INPP4B: variants seen among roughly 807,000 people sequenced by gnomAD.
INPP4B encodes inositol polyphosphate-4-phosphatase type II B.
In INPP4B, 55 loss-of-function variants were observed where a neutral mutation model predicts 122.5. That is an observed-to-expected ratio of 0.45 (90% CI 0.36 to 0.56). The LOEUF (loss-of-function observed/expected upper bound fraction) is 0.56. Ranked by LOEUF, INPP4B falls within the 20% of genes least tolerant of loss-of-function variation. INPP4B has a pLI of 0.00. For missense variants in INPP4B, 1,000 were observed against 1,097.7 expected, an observed-to-expected ratio of 0.91 and a Z score of 1.26; for synonymous variants, 403 against 388.7, an observed-to-expected ratio of 1.04 and a Z score of -0.43.
chr4:142,725,039 A>G (rs1299017380), intron 2 of INPP4B, among the ~76,000 whole-genome samples: 2 of 152,162 alleles, frequency 1.3e-5, no homozygotes, highest in East Asian at 3.8e-4. Flanking sequence ...TGGATGTCTC[A>G]GTTCCCTTCA....
chr4:142,785,201 C>A (rs1775583128), intron 1 of INPP4B, among the ~76,000 whole-genome samples: 1 of 152,166 alleles, frequency 6.6e-6, no homozygotes, highest in Admixed American at 6.6e-5. Context: ...AAACTTTAAA[C>A]ACAGCTAAGT....
At chr4:142,144,082 T>G (rs2152837143) in intron 18 of INPP4B, among the ~76,000 whole-genome samples, 1 of 152,082 alleles carries the variant, frequency 6.6e-6, no homozygotes, top group South Asian at 2.1e-4. Context: ...TTCTACTTGG[T>G]TTTAGACTAT....
chr4:142,367,491 C>T (rs1787997735), intron 7 of INPP4B, among the ~76,000 whole-genome samples: 1 of 151,996 alleles, frequency 6.6e-6, no homozygotes, highest in African/African-American at 2.4e-5. Context: ...ATATGTTTTA[C>T]TATCAGTCTG....
rs368527003 is a variant in INPP4B at position 142,405,118 on chromosome 4, T to TG, written c.255+87dup. 299 of 531,884 alleles carry TG rather than the reference T, an allele frequency of 5.6e-4. 1 individual carries two copies. In the African/African-American group the frequency reaches 9.6e-3, roughly 17 times the overall value. The allele number at this position is 531,884 out of a possible 1,614,324, so 32.9% of individuals were successfully genotyped here. ...TTCAAATCCAGAGATGGGGCGGGGG[T>TG]GGGGGGGAGGGAGAGAGAGAGCAAG... On this transcript the variant is annotated intron_variant, in intron 6 of 25. Transcript: ENST00000262992.
intron 9 of INPP4B, among the ~76,000 whole-genome samples, chr4:142,271,954 G>C (rs1437302469): frequency 6.6e-6 from 1 of 152,108 alleles, no homozygotes; most frequent in African/African-American, 2.4e-5. Context: ...TTATACCATG[G>C]AAACACTGCA....
chr4:142,650,875 T>C lies in INPP4B; in HGVS notation c.-191+74964A>G, dbSNP rs565538607. Among the ~76,000 whole-genome samples the C allele has an allele frequency of 7.9e-5, 12 of 152,294 alleles. No homozygotes were observed. In the East Asian group the frequency reaches 2.3e-3, roughly 29 times the overall value. On this transcript the variant is annotated intron_variant, in intron 2 of 25. Coordinates refer to ENST00000262992, the MANE Select transcript of INPP4B (RefSeq NM_001101669.3). ...ACAGCTCTGGATCAAGCGGACCTAA[T>C]AGACATCTACAGAACTCTCCAGCCC...
intron 2 of INPP4B, among the ~76,000 whole-genome samples, chr4:142,542,618 T>C (rs943286635): frequency 6.6e-6 from 1 of 152,196 alleles, no homozygotes; most frequent in Non-Finnish European, 1.5e-5. Flanking sequence ...TATTAAAGAA[T>C]AAAATATGAA....
At chr4:142,249,109 A>C (rs2150158432) in intron 11 of INPP4B, among the ~76,000 whole-genome samples, 1 of 152,246 alleles carries the variant, frequency 6.6e-6, no homozygotes, top group African/African-American at 2.4e-5. Context: ...TAGGAGGGCA[A>C]ACTGCACATA....
Position 142,423,369 on chromosome 4 carries a change from C to T in INPP4B, c.136+5804G>A, listed in dbSNP as rs546133495. Among the ~76,000 whole-genome samples the T allele has an allele frequency of 9.2e-5, 14 of 152,194 alleles. No homozygotes were observed. In the South Asian group the frequency reaches 2.9e-3, roughly 31 times the overall value. ...TTGTCAGTTGGGGCACATTTCTATA[C>T]ATTTTTAAATGCCGAGCACAGAAAA... On this transcript the variant is annotated intron_variant, in intron 5 of 25. Coordinates refer to ENST00000262992, the MANE Select transcript of INPP4B (RefSeq NM_001101669.3).
intron 2 of INPP4B, among the ~76,000 whole-genome samples, chr4:142,550,838 C>T (rs182418755): frequency 1.9e-4 from 29 of 152,120 alleles, no homozygotes; most frequent in Non-Finnish European, 2.9e-4. Flanking sequence ...AATTATCTGG[C>T]TGTGTCGCTA....
At chr4:142,489,733 A>G (rs1394972954) in intron 2 of INPP4B, among the ~76,000 whole-genome samples, 2 of 152,148 alleles carry the variant, frequency 1.3e-5, no homozygotes, top group East Asian at 3.9e-4. Context: ...GATCCTACCA[A>G]TTTCTGAGAG....
intron 1 of INPP4B, among the ~76,000 whole-genome samples, chr4:142,737,310 T>C (rs1767100600): frequency 6.6e-6 from 1 of 152,156 alleles, no homozygotes; most frequent in African/African-American, 2.4e-5. Context: ...TAATGCCACA[T>C]ATCTACAACC....
At chr4:142,824,803 TAAAAA>T (rs34045920) in intron 1 of INPP4B, among the ~76,000 whole-genome samples, 3 of 149,102 alleles carry the variant, frequency 2.0e-5, no homozygotes, top group Non-Finnish European at 3.0e-5. Flanking sequence ...CCTTTTTTGT[TAAAAA>T]AAAAAGTCTA....
rs188380808 is a variant in INPP4B at position 142,151,487 on chromosome 4, C to A, written c.1564-5491G>T. 1.4e-3 allele frequency among the ~76,000 whole-genome samples: 207 copies of A among 152,284 alleles called. 2 individuals are homozygous for A. Among genetic ancestry groups the A allele is most frequent in the Non-Finnish European group, 1.3e-3 (90 of 68,032 alleles). On this transcript the variant is annotated intron_variant, in intron 17 of 25. Coordinates refer to ENST00000262992, the MANE Select transcript of INPP4B (RefSeq NM_001101669.3). ...CACTCAGTTTAAAATTCACTCCTGG[C>A]CTTATCTGGGAAAGGAATTCCTTGT...
intron 9 of INPP4B, among the ~76,000 whole-genome samples, chr4:142,297,574 T>C (rs1759310742): frequency 6.6e-6 from 1 of 152,156 alleles, no homozygotes; most frequent in Non-Finnish European, 1.5e-5. Context: ...AGACCACTGT[T>C]CCTACTTCAC....
intron 2 of INPP4B, among the ~76,000 whole-genome samples, chr4:142,524,439 G>A (rs1826564054): frequency 6.6e-6 from 1 of 151,730 alleles, no homozygotes; most frequent in Non-Finnish European, 1.5e-5. Flanking sequence ...GTGTTTTTTG[G>A]CTGCATAAAT....
intron 15 of INPP4B, among the ~76,000 whole-genome samples, chr4:142,180,550 T>C (rs73850810): frequency 0.035 from 5,360 of 152,254 alleles, 140 homozygotes; most frequent in Non-Finnish European, 0.053. Flanking sequence ...TATTATTTAA[T>C]TTTGACAACA....
At chr4:142,114,467 G>A (rs958118911) in intron 21 of INPP4B, among the ~76,000 whole-genome samples, 3 of 152,016 alleles carry the variant, frequency 2.0e-5, no homozygotes, top group African/African-American at 4.8e-5. Context: ...TGATTCTAGT[G>A]TGAAGGAAAT....
chr4:142,181,537 T>C (rs1830743211), intron 15 of INPP4B, among the ~76,000 whole-genome samples: 2 of 152,214 alleles, frequency 1.3e-5, no homozygotes. Flanking sequence ...TCAGGCACAT[T>C]GTTTACATTC....
Sources: allele counts gnomAD v4.1 joint callset (sites outside exome capture counted in the v4.1 genomes callset), GRCh38; gene constraint gnomAD v4.1.1; transcripts MANE v1.5; gene names NCBI Gene and HGNC (gene_info 2026-07-23, HGNC 2026-07-21).